The following FAM110B variants were observed in gnomAD, a reference collection of about 807,000 sequenced individuals.
FAM110B encodes family with sequence similarity 110 member B.
Under a neutral mutation model 20.4 loss-of-function variants are expected in FAM110B, and 6 were observed. The observed-to-expected ratio is 0.29, with a 90% CI of 0.16 to 0.58. FAM110B has a LOEUF of 0.58. FAM110B is among the 20% of genes least tolerant of loss of function. The pLI is 0.90. For synonymous variants in FAM110B, 226 were observed against 214.1 expected (o/e 1.06, Z -0.49); for missense variants, 434 against 498.2 (o/e 0.87, Z 1.23).
At chr8:58,025,714 C>A (rs1804841910) in intron 1 of FAM110B, among the ~76,000 whole-genome samples, 1 of 152,124 alleles carries the variant, frequency 6.6e-6, no homozygotes, top group Non-Finnish European at 1.5e-5. Flanking sequence ...TAGCTGCTGC[C>A]AGGTGTCCCT....
At chr8:58,135,814 C>T (rs186332489) in intron 3 of FAM110B, among the ~76,000 whole-genome samples, 4 of 152,188 alleles carry the variant, frequency 2.6e-5, no homozygotes, top group East Asian at 1.9e-4. Context: ...GGGATCAGAC[C>T]GCCTTTTAAG....
chr8:58,014,674 A>T (rs558222335), intron 1 of FAM110B, among the ~76,000 whole-genome samples: 5 of 152,238 alleles, frequency 3.3e-5, no homozygotes, highest in African/African-American at 1.2e-4. Flanking sequence ...TAAGTCACAT[A>T]CATGTATGTT....
chr8:58,043,095 C>T (rs1003516670), intron 2 of FAM110B: 3 of 152,238 alleles, frequency 2.0e-5, no homozygotes, highest in African/African-American at 7.2e-5. Context: ...CCAGGGCAGG[C>T]TGCACGAGCC....
chr8:58,096,368 G>T (rs1218822019), intron 3 of FAM110B, among the ~76,000 whole-genome samples: 10 of 152,036 alleles, frequency 6.6e-5, no homozygotes. Flanking sequence ...TAGTTACAGG[G>T]TTTCACCATG....
intron 1 of FAM110B, among the ~76,000 whole-genome samples, chr8:58,007,350 G>A (rs1038979568): frequency 3.3e-5 from 5 of 152,064 alleles, no homozygotes; most frequent in Admixed American, 1.3e-4. Context: ...CGGATCACGT[G>A]GGTCCCACTG....
At chr8:58,053,603 G>T (rs1046299644) in intron 2 of FAM110B, among the ~76,000 whole-genome samples, 3 of 152,124 alleles carry the variant, frequency 2.0e-5, no homozygotes, top group Non-Finnish European at 4.4e-5. Flanking sequence ...CATATTTATG[G>T]TATCTAAAGC....
chr8:58,041,312 G>A (rs775043148), intron 2 of FAM110B, among the ~76,000 whole-genome samples: 3 of 152,108 alleles, frequency 2.0e-5, no homozygotes, highest in African/African-American at 4.8e-5. Flanking sequence ...AACATTAGTC[G>A]CAGTGTTCGT....
intron 2 of FAM110B, chr8:58,032,336 G>C (rs1223694986): frequency 6.6e-6 from 1 of 152,146 alleles, no homozygotes; most frequent in Admixed American, 6.5e-5. Context: ...ATGGGACCTA[G>C]TATATATATT....
At chr8:58,043,640 T>C (rs566261344) in intron 2 of FAM110B, among the ~76,000 whole-genome samples, 1 of 152,280 alleles carries the variant, frequency 6.6e-6, no homozygotes, top group Admixed American at 6.5e-5. Flanking sequence ...CTGGAATACA[T>C]CACTAATTCT....
At chr8:58,014,417 G>A (rs1399611142) in intron 1 of FAM110B, among the ~76,000 whole-genome samples, 13 of 152,094 alleles carry the variant, frequency 8.5e-5, no homozygotes, top group East Asian at 1.9e-4. Context: ...CTGCATTTTC[G>A]CCAAGTTCCC....
intron 3 of FAM110B, among the ~76,000 whole-genome samples, chr8:58,091,813 G>C (rs920477789): frequency 6.6e-6 from 1 of 152,166 alleles, no homozygotes; most frequent in Non-Finnish European, 1.5e-5. Flanking sequence ...CATGTGAAAT[G>C]ATCCCTGCAT....
chr8:58,128,331 G>A (rs1324922151), intron 3 of FAM110B, among the ~76,000 whole-genome samples: 1 of 152,150 alleles, frequency 6.6e-6, no homozygotes, highest in Non-Finnish European at 1.5e-5. Flanking sequence ...CCTCCTAGGG[G>A]TCTTAGGGCC....
intron 3 of FAM110B, among the ~76,000 whole-genome samples, chr8:58,136,749 T>C (rs1211493059): frequency 6.6e-6 from 1 of 152,146 alleles, no homozygotes; most frequent in African/African-American, 2.4e-5. Context: ...GAACTGGAAA[T>C]GTGAAATTTT....
intron 3 of FAM110B, chr8:58,113,379 G>A (rs1807113226): frequency 9.2e-6 from 2 of 216,958 alleles, no homozygotes; most frequent in Non-Finnish European, 2.0e-5. Flanking sequence ...CCTGCTCAGT[G>A]TAGATGACAC....
intron 1 of FAM110B, among the ~76,000 whole-genome samples, chr8:58,010,658 C>A (rs1804513638): frequency 6.6e-6 from 1 of 152,154 alleles, no homozygotes; most frequent in Non-Finnish European, 1.5e-5. Flanking sequence ...ACCATAGTCC[C>A]TGTGGTAGCG....
chr8:58,141,034 T>C (rs1454682317), intron 3 of FAM110B, among the ~76,000 whole-genome samples: 1 of 152,216 alleles, frequency 6.6e-6, no homozygotes, highest in Non-Finnish European at 1.5e-5. Context: ...TGTAAATGAA[T>C]CTCTCTTCCA....
At chr8:58,037,911 G>C (rs1056242398) in intron 2 of FAM110B, among the ~76,000 whole-genome samples, 1 of 151,974 alleles carries the variant, frequency 6.6e-6, no homozygotes, top group Non-Finnish European at 1.5e-5. Flanking sequence ...TACAGTTAAC[G>C]CTTCATCTCT....
At chr8:58,014,448 G>A (rs1804599347) in intron 1 of FAM110B, among the ~76,000 whole-genome samples, 1 of 152,190 alleles carries the variant, frequency 6.6e-6, no homozygotes, top group Non-Finnish European at 1.5e-5. Context: ...GAGCCTGTCT[G>A]GGTGAAGTCC....
At chr8:58,022,325 G>A (rs1352918934) in intron 1 of FAM110B, among the ~76,000 whole-genome samples, 1 of 152,174 alleles carries the variant, frequency 6.6e-6, no homozygotes, top group Non-Finnish European at 1.5e-5. Context: ...AGTACCTAGA[G>A]TAGTCAGTGG....
Sources: gnomAD v4.1 joint callset for allele counts (sites outside exome capture counted in the v4.1 genomes callset) on GRCh38, gnomAD v4.1.1 for gene constraint, MANE v1.5 for transcripts, NCBI Gene and HGNC (gene_info 2026-07-23, HGNC 2026-07-21) for gene names.